PPP6R2: variants seen among roughly 807,000 people sequenced by gnomAD.
PPP6R2 encodes the protein protein phosphatase 6 regulatory subunit 2.
A neutral mutation model predicts 100.2 loss-of-function variants in PPP6R2; 62 were observed. That is an observed-to-expected ratio of 0.62 (90% CI 0.50 to 0.76). The LOEUF (loss-of-function observed/expected upper bound fraction) is 0.76, where lower values mean the gene tolerates loss of function less well. Ranked by LOEUF, PPP6R2 falls within the 30% of genes least tolerant of loss-of-function variation. The pLI is 0.00. For synonymous variants in PPP6R2, 525 were observed against 514.7 expected, an observed-to-expected ratio of 1.02 and a Z score of -0.27; for missense variants, 1,142 against 1,276.3, an observed-to-expected ratio of 0.89 and a Z score of 1.60.
intron 19 of PPP6R2, among the ~76,000 whole-genome samples, chr22:50,439,399 A>C (rs1262096643): frequency 6.6e-6 from 1 of 152,072 alleles, no homozygotes; most frequent in Non-Finnish European, 1.5e-5. Context: ...CCTGGGTAGG[A>C]CAGGGCAGTG....
At chr22:50,436,623 C>T (rs904308967) in intron 14 of PPP6R2, among the ~76,000 whole-genome samples, 171 bp downstream of exon 14, 3 of 152,244 alleles carry the variant, frequency 2.0e-5, no homozygotes, top group African/African-American at 7.2e-5. Context: ...GGCTGATGTC[C>T]GTAACAGAGA....
At position 50,439,715 on chromosome 22, in the gene PPP6R2, G is replaced by A. The variant is rs1414371216; in HGVS notation, c.2143G>A (p.Ala715Thr). The A allele has an allele frequency of 2.5e-6, 4 of 1,602,662 alleles. No homozygotes were observed. Among genetic ancestry groups the A allele is most frequent in the East Asian group, 2.3e-5 (1 of 44,348 alleles). The change falls in exon 20 of 24, where the codon GCA becomes ACA. Residue 715 changes from alanine (A) to threonine (T), a missense_variant. Around this residue, in one of 2 missense-constraint regions of PPP6R2, gnomAD observed 550 missense variants for 517.4 expected, o/e 1.06. Coordinates refer to ENST00000612753, the MANE Select transcript of PPP6R2 (RefSeq NM_001242898.2). The stretch of plus-strand genomic sequence containing the variant: ...TCCCCCAGCAGGCGCCATGTGGACG[G>A]CAGTGTTTGATGAGCCAGCGAACTC... ...EGDSEGAMWT[A>T]VFDEPANSTP...
At chr22:50,437,164 T>G in intron 15 of PPP6R2, 96 bp downstream of exon 15, 1 of 1,223,544 alleles carries the variant, frequency 8.2e-7, no homozygotes, top group Non-Finnish European at 1.2e-6. Flanking sequence ...GGCATCTCAC[T>G]AGCAAAGGGG....
At chr22:50,420,654 A>G (rs560289306) in intron 8 of PPP6R2, among the ~76,000 whole-genome samples, 1 of 152,296 alleles carries the variant, frequency 6.6e-6, no homozygotes, top group Admixed American at 6.5e-5. Flanking sequence ...GATGCCCATG[A>G]GGCGCAAATG....
In PPP6R2 at chr22:50,352,741, A is replaced by AAAAAC. The variant is rs1491165992; in HGVS notation, c.-148+9195_-148+9196insCAAAA. On this transcript the variant is annotated intron_variant, in intron 1 of 23. Transcript: ENST00000612753. ...TCTGTCTCAAAACAAAAACAAAAAC[A>AAAAAC]AAAAAAAAAAACACACAAAACAACA... is the stretch of plus-strand genomic sequence containing the variant. 0.017 allele frequency among the ~76,000 whole-genome samples: 1,272 copies of AAAAAC among 76,830 alleles called. 101 individuals are homozygous for AAAAAC. In the East Asian group the frequency reaches 0.31, roughly 19 times the overall value. 50.4% of individuals were successfully genotyped at this position (76,830 alleles called of 152,430 possible).
chr22:50,443,539 T>G, intron 22 of PPP6R2: 1 of 330,408 alleles, frequency 3.0e-6, no homozygotes, highest in Non-Finnish European at 5.6e-6. Flanking sequence ...GTGTCCAGTG[T>G]GAGGCTGAAG....
chr22:50,380,732 G>T (rs112350524), intron 2 of PPP6R2, among the ~76,000 whole-genome samples: 12,798 of 149,368 alleles, frequency 0.086, 763 homozygotes, highest in South Asian at 0.2. Context: ...GCTCACGCCT[G>T]TAATCCCAGC....
rs754832746 is a variant in PPP6R2 at position 50,444,042 on chromosome 22, T to A, written c.2756T>A (p.Val919Asp). The A allele has an allele frequency of 2.5e-6, 4 of 1,611,964 alleles. No homozygotes were observed. The South Asian group carries it at 4.4e-5, about 18-fold the overall frequency. ...GTCTCTTCTGCACTGGCCGTGGCGG[T>A]CCCCCTAGGGCCCATCATGGCAGTC... ...PAVSSALAVAVPLGPIMAVTA... is the reference protein window; with the variant it reads ...PAVSSALAVADPLGPIMAVTA... The change falls in exon 23 of 24, where the codon GTC (valine) becomes GAC (aspartate). Residue 919 changes from valine to aspartate, a missense_variant. Val to Asp is a radical substitution (Grantham distance 152). Coordinates refer to ENST00000612753, the MANE Select transcript of PPP6R2 (RefSeq NM_001242898.2).
intron 4 of PPP6R2, among the ~76,000 whole-genome samples, chr22:50,410,478 T>C (rs1485516037): frequency 2.0e-5 from 1 of 50,072 alleles, no homozygotes; most frequent in African/African-American, 8.3e-5. Context: ...TCTTTTTTTT[T>C]TTTTTTTTTT....
intron 12 of PPP6R2, among the ~76,000 whole-genome samples, 160 bp downstream of exon 12, chr22:50,432,489 G>C (rs181778705): frequency 6.6e-6 from 1 of 152,182 alleles, no homozygotes; most frequent in Admixed American, 6.5e-5. Context: ...TGTGCAAGGG[G>C]CCCTTCTACT....
intron 2 of PPP6R2, among the ~76,000 whole-genome samples, chr22:50,374,784 C>T (rs376576687): frequency 1.3e-5 from 2 of 151,722 alleles, no homozygotes; most frequent in South Asian, 2.1e-4. Flanking sequence ...CGTGGTGGTG[C>T]GCGCCTGTAT....
intron 19 of PPP6R2, among the ~76,000 whole-genome samples, chr22:50,439,122 T>A (rs540446607): frequency 6.6e-6 from 1 of 152,236 alleles, no homozygotes; most frequent in East Asian, 1.9e-4. Flanking sequence ...ATGGCCGACA[T>A]CTATGGCAGG....
intron 10 of PPP6R2, among the ~76,000 whole-genome samples, chr22:50,426,203 G>A (rs949293136): frequency 1.1e-4 from 17 of 152,222 alleles, no homozygotes; most frequent in African/African-American, 3.4e-4. Flanking sequence ...TGCTCCGGCC[G>A]TGGCCTCCCA....
intron 3 of PPP6R2, among the ~76,000 whole-genome samples, chr22:50,405,537 G>A (rs557720272): frequency 1.0e-4 from 14 of 140,670 alleles, no homozygotes; most frequent in Admixed American, 4.2e-4. Context: ...CCTGGAGAGA[G>A]GTAAGAGGCC....
chr22:50,419,666 C>G (rs939825030), intron 8 of PPP6R2, among the ~76,000 whole-genome samples: 1 of 152,234 alleles, frequency 6.6e-6, no homozygotes, highest in Non-Finnish European at 1.5e-5. Context: ...CTGGTGCTCC[C>G]TCTCCAGCCT....
intron 1 of PPP6R2, among the ~76,000 whole-genome samples, chr22:50,367,170 CAG>C (rs2048933977): frequency 6.6e-6 from 1 of 151,758 alleles, no homozygotes; most frequent in Non-Finnish European, 1.5e-5. Flanking sequence ...GATGCCTGGA[CAG>C]GGGAGCAGAG....
At chr22:50,387,385 T>C (rs952736609) in intron 2 of PPP6R2, among the ~76,000 whole-genome samples, 4 of 152,150 alleles carry the variant, frequency 2.6e-5, no homozygotes, top group African/African-American at 9.6e-5. Flanking sequence ...TGATTTTGGA[T>C]TTTTACTTAA....
Position 50,384,496 on chromosome 22 carries a change from A to G in PPP6R2, c.-16-9397A>G, listed in dbSNP as rs567901360. Reference sequence around the variant, plus strand: ...CTTGAACTTGGGAGGTGGAGGTTGCAGTGAGCCAAGATCGCGCCACTGCAC... The same window carrying G: ...CTTGAACTTGGGAGGTGGAGGTTGCGGTGAGCCAAGATCGCGCCACTGCAC... On this transcript the variant is annotated intron_variant, in intron 2 of 23. Transcript: ENST00000612753. Among the ~76,000 whole-genome samples, 556 of 152,014 alleles carry G rather than the reference A, an allele frequency of 3.7e-3. 1 individual carries two copies. Among genetic ancestry groups the G allele is most frequent in the Non-Finnish European group, 6.2e-3 (424 of 67,932 alleles).
the PPP6R2 span, among the ~76,000 whole-genome samples, chr22:50,333,308 G>A: frequency 4.0e-5 from 6 of 151,004 alleles, no homozygotes; most frequent in African/African-American, 1.5e-4. Flanking sequence ...TTGAGATCAC[G>A]TAGTGTAAGT....
Sources: allele counts gnomAD v4.1 joint callset (sites outside exome capture counted in the v4.1 genomes callset), GRCh38; gene constraint gnomAD v4.1.1; regional missense constraint gnomAD v4.1.1; transcripts MANE v1.5; gene names NCBI Gene and HGNC (gene_info 2026-07-23, HGNC 2026-07-21).